The following PPP1R12B variants were observed in gnomAD, a reference collection of about 807,000 sequenced individuals.
PPP1R12B encodes protein phosphatase 1 regulatory subunit 12B, also known as myosin phosphatase target subunit 2.
In PPP1R12B, 76 loss-of-function variants were observed where a neutral mutation model predicts 126.1. That is an observed-to-expected ratio of 0.60 (90% CI 0.50 to 0.73). PPP1R12B has a LOEUF of 0.73. PPP1R12B is among the 30% of genes least tolerant of loss of function. The probability of loss-of-function intolerance (pLI) is 0.00; values close to 1 mark genes in which losing one functional copy is unlikely to be tolerated. For missense variants in PPP1R12B, 1,052 were observed against 1,205.1 expected (o/e 0.87, Z 1.88); for synonymous variants, 356 against 434.7 (o/e 0.82, Z 2.25).
intron 18 of PPP1R12B, among the ~76,000 whole-genome samples, chr1:202,515,061 A>G (rs975819728): frequency 6.6e-6 from 1 of 152,196 alleles, no homozygotes; most frequent in Non-Finnish European, 1.5e-5. Flanking sequence ...CAAATACCAC[A>G]TGTTGTCACT....
At chr1:202,473,872 C>A (rs11587179) in intron 13 of PPP1R12B, 68,727 of 525,464 alleles carry the variant, frequency 0.13, 5,249 homozygotes, top group Middle Eastern at 0.23. Flanking sequence ...CAGTCTTTCC[C>A]AGCAGCCACT....
intron 23 of PPP1R12B, among the ~76,000 whole-genome samples, chr1:202,574,167 CAA>C (rs11320060): frequency 0.041 from 5,030 of 122,310 alleles, 210 homozygotes; most frequent in African/African-American, 0.12. Flanking sequence ...ACATGCCCCA[CAA>C]AAAAAAAAAA....
chr1:202,438,581 C>T, intron 10 of PPP1R12B: 1 of 466,500 alleles, frequency 2.1e-6, no homozygotes, highest in South Asian at 1.8e-5. Flanking sequence ...CAGCCTGGGA[C>T]ATTGGCCCTA....
intron 1 of PPP1R12B, among the ~76,000 whole-genome samples, chr1:202,381,066 A>T (rs1269408576): frequency 6.6e-6 from 1 of 152,206 alleles, no homozygotes; most frequent in African/African-American, 2.4e-5. Context: ...ATTTTTATAC[A>T]TATACATTTC....
chr1:202,462,776 T>C (rs1674483182), intron 13 of PPP1R12B: 17 of 984,748 alleles, frequency 1.7e-5, no homozygotes, highest in Non-Finnish European at 2.0e-5. Flanking sequence ...TGGGCTCCAG[T>C]GTTTAGAGAA....
chr1:202,402,073 C>A (rs1384363897), intron 1 of PPP1R12B, among the ~76,000 whole-genome samples: 3 of 152,188 alleles, frequency 2.0e-5, no homozygotes, highest in Admixed American at 2.0e-4. Flanking sequence ...AGACAGGGGG[C>A]GTTTCTCATT....
intron 18 of PPP1R12B, among the ~76,000 whole-genome samples, chr1:202,541,241 C>T (rs752925575): frequency 1.9e-3 from 291 of 151,812 alleles, no homozygotes; most frequent in Non-Finnish European, 2.9e-3. Flanking sequence ...TTTTTTTTCC[C>T]CCAATTATTT....
At position 202,580,545 on chromosome 1, in the gene PPP1R12B, C is replaced by A; in HGVS notation, c.2934C>A (p.Ser978Arg). ...ATGGTGCCCTCATCAGAGTCATCAG[C>A]AAACTGTCCAAGTAGGCTAGGCTCC... Reference protein sequence around the residue: ...DENGALIRVISKLSK With the variant: ...DENGALIRVIRKLSK The change falls in exon 24 of 24, where the codon AGC becomes AGA. Residue 978 changes from serine (S) to arginine (R), a missense_variant. By Grantham distance (110) the Ser-to-Arg change is moderately radical. Transcript: ENST00000608999. The A allele has an allele frequency of 6.2e-7, 1 of 1,613,286 alleles. No homozygotes were observed. Among genetic ancestry groups the A allele is most frequent in the Non-Finnish European group, 8.5e-7 (1 of 1,179,222 alleles).
chr1:202,588,873 A>AG lies in PPP1R12B; in HGVS notation c.*8313_*8314insG, dbSNP rs1553332024. 1.4e-4 allele frequency: 16 copies of AG among 116,414 alleles called. No homozygotes were observed. Among genetic ancestry groups the AG allele is most frequent in the Admixed American group, 5.9e-4 (8 of 13,460 alleles). 7.2% of individuals were successfully genotyped at this position (116,414 alleles called of 1,614,324 possible). Reference sequence around the variant, plus strand: ...TAGATAGATAGATAGATAGATAGATATCAAGGTTCCAAGCTTCAAGTAACC... The same window carrying AG: ...TAGATAGATAGATAGATAGATAGATAGTCAAGGTTCCAAGCTTCAAGTAACC... On this transcript the variant is annotated 3_prime_UTR_variant, in exon 24 of 24. Coordinates refer to ENST00000608999, the MANE Select transcript of PPP1R12B (RefSeq NM_002481.4).
chr1:202,381,169 C>T (rs1272020044), intron 1 of PPP1R12B, among the ~76,000 whole-genome samples: 3 of 152,086 alleles, frequency 2.0e-5, no homozygotes, highest in African/African-American at 4.8e-5. Flanking sequence ...TTGAAATCCC[C>T]AAAGGACCTC....
At chr1:202,374,142 A>G (rs1215640444) in intron 1 of PPP1R12B, among the ~76,000 whole-genome samples, 1 of 152,126 alleles carries the variant, frequency 6.6e-6, no homozygotes, top group African/African-American at 2.4e-5. Flanking sequence ...CTATATATCC[A>G]ACTGGATTCT....
intron 1 of PPP1R12B, among the ~76,000 whole-genome samples, chr1:202,411,788 C>T (rs1667429800): frequency 1.3e-5 from 2 of 152,154 alleles, no homozygotes; most frequent in South Asian, 4.1e-4. Context: ...TTGTACACAT[C>T]AGCAGAGCTG....
chr1:202,397,583 G>T (rs1665174990), intron 1 of PPP1R12B, among the ~76,000 whole-genome samples: 2 of 152,042 alleles, frequency 1.3e-5, no homozygotes, highest in Admixed American at 1.3e-4. Flanking sequence ...GACACATGGG[G>T]ATATATTTAA....
At chr1:202,369,950 C>G (rs1311082049) in intron 1 of PPP1R12B, 1 of 156,978 alleles carries the variant, frequency 6.4e-6, no homozygotes, top group Non-Finnish European at 1.4e-5. Context: ...CATGCACCAC[C>G]ATACCCGGCT....
At chr1:202,357,947 G>A (rs1276577093) in intron 1 of PPP1R12B, among the ~76,000 whole-genome samples, 5 of 152,146 alleles carry the variant, frequency 3.3e-5, no homozygotes, top group Admixed American at 6.5e-5. Flanking sequence ...CTACATAACC[G>A]ATTTCTGTTC....
At chr1:202,539,390 G>A (rs1352814442) in intron 18 of PPP1R12B, among the ~76,000 whole-genome samples, 1 of 152,140 alleles carries the variant, frequency 6.6e-6, no homozygotes, top group African/African-American at 2.4e-5. Context: ...CTCACTGAGC[G>A]AATAGGGATT....
intron 23 of PPP1R12B, among the ~76,000 whole-genome samples, chr1:202,574,643 G>A (rs1057382743): frequency 6.6e-6 from 1 of 152,210 alleles, no homozygotes; most frequent in Non-Finnish European, 1.5e-5. Context: ...GGTCCCTGAA[G>A]TTATGCCTCA....
At chr1:202,540,369 A>G (rs1200915400) in intron 18 of PPP1R12B, 1 of 683,808 alleles carries the variant, frequency 1.5e-6, no homozygotes, top group Non-Finnish European at 2.3e-6. Flanking sequence ...AGTACAGGGA[A>G]AAAAAATTGC....
intron 18 of PPP1R12B, among the ~76,000 whole-genome samples, chr1:202,509,352 G>A (rs1572333797): frequency 6.6e-6 from 1 of 152,148 alleles, no homozygotes; most frequent in Non-Finnish European, 1.5e-5. Context: ...AAGGAGAGAG[G>A]GGGAGTTGCT....
Sources: gnomAD v4.1 joint callset for allele counts (sites outside exome capture counted in the v4.1 genomes callset) on GRCh38, gnomAD v4.1.1 for gene constraint, MANE v1.5 for transcripts, NCBI Gene and HGNC (gene_info 2026-07-23, HGNC 2026-07-21) for gene names.